Variants in RBFOX1 observed in about 807,000 individuals in gnomAD.
RBFOX1 encodes the protein RNA binding fox-1 homolog 1, also known as RNA binding protein fox-1 homolog 1.
RBFOX1 carries 8 observed loss-of-function variants against 57.7 expected under a neutral mutation model. The observed-to-expected ratio is 0.14, with a 90% CI of 0.08 to 0.25. The LOEUF (loss-of-function observed/expected upper bound fraction) is 0.25, where lower values mean the gene tolerates loss of function less well. Among genes scored for constraint, RBFOX1 ranks in the 10% least tolerant of loss-of-function variants. The pLI is 1.00. For missense variants in RBFOX1, 611 were observed against 548.5 expected (o/e 1.11, Z -1.14); for synonymous variants, 326 against 222.4 (o/e 1.47, Z -4.15).
intron 3 of RBFOX1, among the ~76,000 whole-genome samples, chr16:5,830,980 C>G (rs901825691): frequency 6.6e-6 from 1 of 152,054 alleles, no homozygotes; most frequent in Non-Finnish European, 1.5e-5. Context: ...CCCCCCAACT[C>G]TGTTTTTTGC....
rs188269128 is a variant in RBFOX1 at position 6,095,318 on chromosome 16, A to G, written c.-127+75326A>G. Among the ~76,000 whole-genome samples the G allele has an allele frequency of 3.7e-3, 568 of 152,356 alleles. 3 individuals are homozygous for G. The highest frequency in any genetic ancestry group is 7.9e-3 in the Admixed American group (121 of 15,302). On this transcript the variant is annotated intron_variant, in intron 1 of 15. Coordinates refer to ENST00000550418, the MANE Select transcript of RBFOX1 (RefSeq NM_018723.4). The stretch of plus-strand genomic sequence containing the variant: ...ATCCTTCATGGGTTTGTAAGTGACC[A>G]GGGGATATTTAGGACATCTCCCTTA...
chr16:5,588,025 A>G lies in RBFOX1; in HGVS notation c.259-10877A>G, dbSNP rs74323997. On this transcript the variant is annotated intron_variant, in intron 2 of 2. Transcript: ENST00000585867. Reference sequence around the variant, plus strand: ...TCTATGCAATAGAATATTTTCAGCAATAAAAAAGGCCTGCATCCCTGATGC... The same window carrying G: ...TCTATGCAATAGAATATTTTCAGCAGTAAAAAAGGCCTGCATCCCTGATGC... Among the ~76,000 whole-genome samples, 65 of 152,368 alleles carry G rather than the reference A, an allele frequency of 4.3e-4. No individual in the cohort carries two copies. In the East Asian group the frequency reaches 0.012, roughly 28 times the overall value.
chr16:6,166,454 C>T (rs2096917962), intron 1 of RBFOX1, among the ~76,000 whole-genome samples: 1 of 152,130 alleles, frequency 6.6e-6, no homozygotes, highest in African/African-American at 2.4e-5. Flanking sequence ...CTCTCTTTCT[C>T]TCTGACTCTC....
chr16:5,581,790 C>A (rs574394862), intron 2 of RBFOX1, among the ~76,000 whole-genome samples: 1 of 151,956 alleles, frequency 6.6e-6, no homozygotes, highest in African/African-American at 2.4e-5. Context: ...GAGGGAGGAG[C>A]GAGTGGGAGG....
At chr16:6,513,382 C>T (rs918772780) in intron 2 of RBFOX1, among the ~76,000 whole-genome samples, 1 of 152,272 alleles carries the variant, frequency 6.6e-6, no homozygotes, top group East Asian at 1.9e-4. Flanking sequence ...CATATCTACA[C>T]ATCAAACTTT....
chr16:5,870,854 A>C (rs917639701), intron 4 of RBFOX1, among the ~76,000 whole-genome samples: 1 of 152,162 alleles, frequency 6.6e-6, no homozygotes. Context: ...TTTCCTTCTC[A>C]AATGACTTTC....
intron 1 of RBFOX1, among the ~76,000 whole-genome samples, chr16:5,357,793 G>C (rs971815972): frequency 6.6e-6 from 1 of 152,094 alleles, no homozygotes; most frequent in Non-Finnish European, 1.5e-5. Context: ...GGGAATTTCT[G>C]TTTCTTACAA....
intron 4 of RBFOX1, among the ~76,000 whole-genome samples, chr16:7,221,546 T>C (rs1449032953): frequency 6.6e-6 from 1 of 152,030 alleles, no homozygotes; most frequent in Non-Finnish European, 1.5e-5. Context: ...TTTGTATTTT[T>C]AGTAGAGAAG....
intron 4 of RBFOX1, among the ~76,000 whole-genome samples, chr16:7,421,978 C>G (rs1246735326): frequency 6.6e-6 from 1 of 152,040 alleles, no homozygotes; most frequent in Non-Finnish European, 1.5e-5. Flanking sequence ...CCATATTTTT[C>G]AGAGGGAGAA....
In RBFOX1 at chr16:6,854,587, A is replaced by ATTTTTTTTTTTTTTT. The variant is rs71147611; in HGVS notation, c.-15-197459_-15-197445dup. 1.1e-3 allele frequency among the ~76,000 whole-genome samples: 75 copies of ATTTTTTTTTTTTTTT among 70,634 alleles called. 5 individuals are homozygous for ATTTTTTTTTTTTTTT. Among genetic ancestry groups the ATTTTTTTTTTTTTTT allele is most frequent in the South Asian group, 2.0e-3 (3 of 1,514 alleles). 46.3% of individuals were successfully genotyped at this position (70,634 alleles called of 152,430 possible). ...CCTCCCTGCCAACTAGGAGAGGTGA[A>ATTTTTTTTTTTTTTT]TTTTTTTTTTTTTTTTTTTTTTTTT... On this transcript the variant is annotated intron_variant, in intron 3 of 15. Transcript: ENST00000550418.
At chr16:7,676,919 G>T (rs535255403) in intron 14 of RBFOX1, 81 bp downstream of exon 14, 13 of 1,390,296 alleles carry the variant, frequency 9.4e-6, no homozygotes, top group Non-Finnish European at 1.1e-5. Context: ...GTATGGTCTT[G>T]GTGAAACTGC....
At chr16:6,591,056 G>C (rs1159443422) in intron 2 of RBFOX1, among the ~76,000 whole-genome samples, 1 of 152,110 alleles carries the variant, frequency 6.6e-6, no homozygotes, top group Non-Finnish European at 1.5e-5. Context: ...TGTGTGCTGG[G>C]CAGGATAGCT....
intron 2 of RBFOX1, among the ~76,000 whole-genome samples, chr16:6,559,657 C>G (rs565155290): frequency 5.3e-5 from 8 of 151,948 alleles, no homozygotes; most frequent in Non-Finnish European, 1.0e-4. Context: ...TGAATATATA[C>G]CCACACACAC....
intron 5 of RBFOX1, among the ~76,000 whole-genome samples, chr16:7,555,959 T>G (rs952550244): frequency 2.0e-5 from 3 of 151,988 alleles, no homozygotes; most frequent in African/African-American, 7.3e-5. Context: ...AGAGGAGGGA[T>G]TTTTTCCTGT....
chr16:6,637,274 A>T (rs868383942), intron 2 of RBFOX1, among the ~76,000 whole-genome samples: 3 of 55,902 alleles, frequency 5.4e-5, no homozygotes, highest in African/African-American at 3.0e-4. Context: ...AATATATATT[A>T]TATATTATAT....
chr16:5,877,316 A>C (rs2151912130), intron 4 of RBFOX1, among the ~76,000 whole-genome samples: 1 of 152,362 alleles, frequency 6.6e-6, no homozygotes, highest in East Asian at 1.9e-4. Context: ...ACTTAAAATG[A>C]ATGAAACACT....
At chr16:7,651,767 T>C (rs2065113622) in intron 11 of RBFOX1, among the ~76,000 whole-genome samples, 1 of 152,210 alleles carries the variant, frequency 6.6e-6, no homozygotes, top group African/African-American at 2.4e-5. Flanking sequence ...ACTAAGAGCA[T>C]TTCCTTCATG....
At chr16:5,260,152 A>G (rs553867677) in intron 1 of RBFOX1, among the ~76,000 whole-genome samples, 18 of 152,328 alleles carry the variant, frequency 1.2e-4, no homozygotes, top group African/African-American at 4.1e-4. Flanking sequence ...GTGAGCTGAG[A>G]TCATACCACT....
At chr16:5,552,535 A>G (rs1236478655) in intron 2 of RBFOX1, among the ~76,000 whole-genome samples, 1 of 152,208 alleles carries the variant, frequency 6.6e-6, no homozygotes, top group Non-Finnish European at 1.5e-5. Context: ...AGGGGCAGAG[A>G]AGTGGTTAGA....
Sources: gnomAD v4.1 joint callset for allele counts (sites outside exome capture counted in the v4.1 genomes callset) on GRCh38, gnomAD v4.1.1 for gene constraint, MANE v1.5 for transcripts, NCBI Gene and HGNC (gene_info 2026-07-23, HGNC 2026-07-21) for gene names.